Variants in MPDZ observed in about 807,000 individuals in gnomAD.
MPDZ encodes multiple PDZ domain protein.
Under a neutral mutation model 239.1 loss-of-function variants are expected in MPDZ, and 234 were observed. That is an observed-to-expected ratio of 0.98 (90% CI 0.88 to 1.09). The LOEUF is 1.09. Ranked by LOEUF, MPDZ falls within the 50% of genes least tolerant of loss-of-function variation. The pLI, the probability that MPDZ is intolerant of heterozygous loss-of-function variation, is 0.00. For synonymous variants in MPDZ, 1,048 were observed against 881.3 expected, an observed-to-expected ratio of 1.19 and a Z score of -3.35; for missense variants, 3,175 against 2,510.0, an observed-to-expected ratio of 1.26 and a Z score of -5.66.
intron 33 of MPDZ, 32 bp downstream of exon 33, chr9:13,126,648 T>TA: frequency 3.7e-6 from 6 of 1,612,042 alleles, no homozygotes; most frequent in Non-Finnish European, 4.2e-6. Flanking sequence ...CCTCCCCAAC[T>TA]ACTTAATGAC....
intron 35 of MPDZ, among the ~76,000 whole-genome samples, chr9:13,124,453 A>AC (rs1043871720): frequency 6.6e-6 from 1 of 151,848 alleles, no homozygotes; most frequent in Non-Finnish European, 1.5e-5. Flanking sequence ...TCTCCCCTCC[A>AC]CCCCCCGTTA....
intron 21 of MPDZ, among the ~76,000 whole-genome samples, chr9:13,173,624 G>C (rs551560170): frequency 6.6e-6 from 1 of 151,554 alleles, no homozygotes; most frequent in African/African-American, 2.4e-5. Context: ...AGAATTGCTT[G>C]AACTCAGGAG....
intron 28 of MPDZ, among the ~76,000 whole-genome samples, chr9:13,139,009 T>C (rs1480549708): frequency 6.6e-6 from 1 of 152,218 alleles, no homozygotes; most frequent in East Asian, 1.9e-4. Context: ...TTCCTCAAGA[T>C]TACATTCTGA....
At chr9:13,168,335 C>T in intron 22 of MPDZ, 31 bp downstream of exon 22, 1 of 1,584,336 alleles carries the variant, frequency 6.3e-7, no homozygotes, top group Non-Finnish European at 8.6e-7. Flanking sequence ...CTGAATTTCC[C>T]AAGTTAAACT....
In MPDZ at chr9:13,115,421, C is replaced by T. The variant is rs1354773161; in HGVS notation, c.5380-87G>A. On this transcript the variant is annotated intron_variant, in intron 39 of 46. Coordinates refer to ENST00000319217, the MANE Select transcript of MPDZ (RefSeq NM_001378778.1). The stretch of plus-strand genomic sequence containing the variant: ...TAGGAATACATTTTACTCTTCAAGA[C>T]TTTTTTGAAAGGCATCTTCCTTTTG... 4.3e-6 allele frequency: 5 copies of T among 1,160,892 alleles called. No homozygotes were observed. The East Asian group carries it at 1.2e-4, about 29-fold the overall frequency. The allele number at this position is 1,160,892 out of a possible 1,614,324, so 71.9% of individuals were successfully genotyped here.
chr9:13,169,750 G>C (rs1038996863), intron 21 of MPDZ, among the ~76,000 whole-genome samples: 1 of 152,152 alleles, frequency 6.6e-6, no homozygotes, highest in African/African-American at 2.4e-5. Context: ...GCTCAGCACA[G>C]TCTGTAGGAC....
chr9:13,188,894 T>C lies in MPDZ; in HGVS notation c.2254A>G (p.Met752Val). ...TCCAAGTTAACATCGTTTACAAACA[T>C]GAGTCGGTCACCAGGAAGAAGTCGT... ...DGRLLPGDRL[M>V]FVNDVNLENS... is the part of the protein sequence containing the mutation. Residue 752 changes from methionine (M) to valine (V), a missense_variant, in exon 17 of 47, where the codon ATG (methionine) becomes GTG (valine). Met to Val is a conservative substitution (Grantham distance 21). Transcript: ENST00000319217. 6.2e-7 allele frequency: 1 copy of C among 1,613,564 alleles called. No individual in the cohort carries two copies. Among genetic ancestry groups the C allele is most frequent in the Non-Finnish European group, 8.5e-7 (1 of 1,179,588 alleles).
At chr9:13,204,894 A>T (rs565740297) in intron 12 of MPDZ, 142 bp downstream of exon 12, 1 of 460,594 alleles carries the variant, frequency 2.2e-6, no homozygotes, top group African/African-American at 2.0e-5. Flanking sequence ...CACATTTATA[A>T]ACAGGGATTT....
chr9:13,112,132 T>C lies in MPDZ; in HGVS notation c.5616A>G (p.Ser1872=). 6.2e-7 allele frequency: 1 copy of C among 1,612,832 alleles called. No homozygotes were observed. Among genetic ancestry groups the C allele is most frequent in the African/African-American group, 1.3e-5 (1 of 75,024 alleles). ...CTCCTCCAGCGATGCTGATTCCCAGTGAGTCAGTAGGGCCCTGCCATGGAA... is the reference window on the plus strand; with the variant it reads ...CTCCTCCAGCGATGCTGATTCCCAGCGAGTCAGTAGGGCCCTGCCATGGAA... ...TVEMKKGPTD[S]LGISIAGGVG... is the part of the protein sequence containing the mutation. Residue 1872 remains serine, a synonymous_variant, in exon 43 of 47, where the codon TCA becomes TCG. Coordinates refer to ENST00000319217, the MANE Select transcript of MPDZ (RefSeq NM_001378778.1).
In MPDZ at chr9:13,106,633, A is replaced by G. The variant is rs2130904105; in HGVS notation, c.*332T>C. The G allele has an allele frequency of 5.3e-6, 1 of 188,096 alleles. No homozygotes were observed. Among genetic ancestry groups the G allele is most frequent in the African/African-American group, 2.3e-5 (1 of 42,980 alleles). The allele number at this position is 188,096 out of a possible 1,614,324, so 11.7% of individuals were successfully genotyped here. ...GCCATTTTCTTTGGTTAGCTTTAGA[A>G]TTATCTTTCTTTATACTAACCAGCT... On this transcript the variant is annotated 3_prime_UTR_variant, in exon 47 of 47. Transcript: ENST00000319217.
At chr9:13,160,116 A>G (rs1950286677) in intron 23 of MPDZ, among the ~76,000 whole-genome samples, 1 of 152,174 alleles carries the variant, frequency 6.6e-6, no homozygotes, top group African/African-American at 2.4e-5. Context: ...ATCTTACCAT[A>G]AAACCTGAGC....
At chr9:13,125,471 G>C in intron 34 of MPDZ, 81 bp from the exon 35 acceptor site, 1 of 1,285,856 alleles carries the variant, frequency 7.8e-7, no homozygotes, top group Non-Finnish European at 1.1e-6. Context: ...ATTATCAATG[G>C]AATCTAATTC....
intron 43 of MPDZ, among the ~76,000 whole-genome samples, chr9:13,111,086 T>C (rs1158187037): frequency 6.6e-6 from 1 of 152,228 alleles, no homozygotes; most frequent in Non-Finnish European, 1.5e-5. Context: ...GACATTACTA[T>C]TATAATCATT....
In MPDZ at chr9:13,183,486, A is replaced by G. The variant is rs1157900871; in HGVS notation, c.2581T>C (p.Ser861Pro). Reference protein sequence around the residue: ...SIYSTQASILSLHGSSCGDGL... With the variant: ...SIYSTQASILPLHGSSCGDGL... The stretch of plus-strand genomic sequence containing the variant: ...TCACCACAAGAACTGCCATGAAGAG[A>G]TAAAATAGAGGCTTGAGTAGAGTAG... The change falls in exon 19 of 47, where the codon TCT becomes CCT. Residue 861 changes from serine (S) to proline (P), a missense_variant. By Grantham distance (74) the Ser-to-Pro change is moderately conservative. Coordinates refer to ENST00000319217, the MANE Select transcript of MPDZ (RefSeq NM_001378778.1). 1 of 1,612,544 alleles carries G rather than the reference A, an allele frequency of 6.2e-7. No individual in the cohort carries two copies. The highest frequency in any genetic ancestry group is 1.3e-5 in the African/African-American group (1 of 74,994).
rs1165989164 is a variant in MPDZ, at chr9:13,107,060, C to A, written c.6118G>T (p.Val2040Phe). 6.2e-7 allele frequency: 1 copy of A among 1,603,446 alleles called. No individual in the cohort carries two copies. Among genetic ancestry groups the A allele is most frequent in the East Asian group, 2.2e-5 (1 of 44,708 alleles). ...RLKRGDQIIA[V>F]NGQSLEGVTH... ...ACTCCTTCTAGACTCTGCCCATTGA[C>A]AGCAATGATCTGATCGCCCCTTTTC... Residue 2040 changes from valine (V) to phenylalanine (F), a missense_variant, in exon 47 of 47, where the codon GTC becomes TTC. Physicochemically the swap from Val to Phe is conservative, Grantham distance 50 (BLOSUM62 -1). Coordinates refer to ENST00000319217, the MANE Select transcript of MPDZ (RefSeq NM_001378778.1).
intron 1 of MPDZ, among the ~76,000 whole-genome samples, chr9:13,258,963 T>C (rs1293271521): frequency 1.3e-5 from 2 of 152,100 alleles, no homozygotes; most frequent in Non-Finnish European, 2.9e-5. Flanking sequence ...GGAAATGCTG[T>C]AGTCCCAGCT....
intron 32 of MPDZ, among the ~76,000 whole-genome samples, chr9:13,132,950 T>C (rs1946224614): frequency 6.6e-6 from 1 of 152,160 alleles, no homozygotes; most frequent in African/African-American, 2.4e-5. Flanking sequence ...TATCCTAGAA[T>C]ATACTAAGCC....
chr9:13,203,620 G>C (rs577762608), intron 12 of MPDZ, among the ~76,000 whole-genome samples: 1 of 152,130 alleles, frequency 6.6e-6, no homozygotes, highest in South Asian at 2.1e-4. Flanking sequence ...CTGAGGACTA[G>C]TACTAGGGCA....
chr9:13,216,793 A>C lies in MPDZ; in HGVS notation c.1271T>G (p.Ile424Ser), dbSNP rs753896718. 6.2e-7 allele frequency: 1 copy of C among 1,609,218 alleles called. No homozygotes were observed. Among genetic ancestry groups the C allele is most frequent in the Non-Finnish European group, 8.5e-7 (1 of 1,177,396 alleles). ...SAVEHDGRIQ[I>S]GDQIIAVDGT... ...ACTTACTGCTATAATTTGGTCTCCA[A>C]TTTGGATTCTTCCATCATGCTCAAC... Residue 424 changes from isoleucine to serine, a missense_variant, in exon 10 of 47, where the codon ATT (isoleucine) becomes AGT (serine). Transcript: ENST00000319217.
Sources: allele counts gnomAD v4.1 joint callset (sites outside exome capture counted in the v4.1 genomes callset), GRCh38; gene constraint gnomAD v4.1.1; transcripts MANE v1.5; gene names NCBI Gene and HGNC (gene_info 2026-07-23, HGNC 2026-07-21).